SNX9: variants seen among roughly 807,000 people sequenced by gnomAD.
SNX9 encodes the protein sorting nexin-9.
Under a neutral mutation model 89.4 loss-of-function variants are expected in SNX9, and 44 were observed. That is an observed-to-expected ratio of 0.49 (90% CI 0.39 to 0.63). The LOEUF is 0.63. SNX9 is among the 30% of genes least tolerant of loss of function. SNX9 has a pLI of 0.00. For missense variants in SNX9, 578 were observed against 736.1 expected (o/e 0.79, Z 2.49); for synonymous variants, 236 against 247.8 (o/e 0.95, Z 0.45).
chr6:157,864,912 C>T (rs757168327), intron 1 of SNX9, among the ~76,000 whole-genome samples: 1 of 152,204 alleles, frequency 6.6e-6, no homozygotes, highest in Non-Finnish European at 1.5e-5. Context: ...CCTGTAATCC[C>T]AGCTACTCGG....
intron 1 of SNX9, chr6:157,829,531 T>C (rs1437629571): frequency 1.3e-5 from 2 of 152,226 alleles, no homozygotes; most frequent in East Asian, 3.8e-4. Flanking sequence ...TGTTTATATG[T>C]ATATCCTTAC....
chr6:157,937,510 T>C lies in SNX9; in HGVS notation c.1520T>C (p.Ile507Thr), dbSNP rs745617840. ...KGFLGCFPDI[I>T]GTHKGAIEKV... ...TTTCTTGGCTGCTTCCCTGACATCA[T>C]TGGCACTCACAAGGTAACCTGATCG... Residue 507 changes from isoleucine to threonine, a missense_variant, in exon 15 of 18, where the codon ATT becomes ACT. Physicochemically the swap from Ile to Thr is moderately conservative, Grantham distance 89 (BLOSUM62 -1). Around this residue, in one of 2 missense-constraint regions of SNX9, gnomAD observed 348 missense variants for 491.4 expected, o/e 0.71. Coordinates refer to ENST00000392185, the MANE Select transcript of SNX9 (RefSeq NM_016224.5). 1.2e-6 allele frequency: 2 copies of C among 1,613,462 alleles called. No individual in the cohort carries two copies. The highest frequency in any genetic ancestry group is 2.2e-5 in the East Asian group (1 of 44,854).
chr6:157,857,679 G>T (rs1196492442), intron 1 of SNX9, among the ~76,000 whole-genome samples: 1 of 148,474 alleles, frequency 6.7e-6, no homozygotes. Flanking sequence ...GAAAAAGATT[G>T]GGGGCCATTC....
chr6:157,881,832 T>A (rs1440049443), intron 4 of SNX9, among the ~76,000 whole-genome samples: 5 of 152,188 alleles, frequency 3.3e-5, no homozygotes. Flanking sequence ...TAGCAGAAGT[T>A]GGTTCATGAG....
At chr6:157,918,322 C>T (rs1043313618) in intron 9 of SNX9, among the ~76,000 whole-genome samples, 5 of 152,082 alleles carry the variant, frequency 3.3e-5, no homozygotes, top group Non-Finnish European at 7.4e-5. Flanking sequence ...TTAATATCTT[C>T]CTGATGTAGT....
In SNX9 at chr6:157,906,146, A is replaced by G; in HGVS notation, c.639A>G (p.Lys213=). ...IPLNKFPGFA[K]PGTEQYLLAK... ...TGATTAGATTTCCTGGATTTGCGAA[A>G]CCTGGCACGGAACAGTATTTGTTGG... The change falls in exon 7 of 18, where the codon AAA becomes AAG. Residue 213 remains lysine, a synonymous_variant. Transcript: ENST00000392185. The G allele has an allele frequency of 1.2e-6, 2 of 1,610,154 alleles. No homozygotes were observed. The highest frequency in any genetic ancestry group is 1.7e-6 in the Non-Finnish European group (2 of 1,178,928).
At chr6:157,902,529 G>C (rs958185779) in intron 6 of SNX9, among the ~76,000 whole-genome samples, 4 of 152,094 alleles carry the variant, frequency 2.6e-5, no homozygotes, top group Admixed American at 6.5e-5. Flanking sequence ...CCAGAGAGAC[G>C]CATCGAGTGT....
chr6:157,918,705 C>T (rs1046797641), intron 9 of SNX9, among the ~76,000 whole-genome samples: 77 of 151,916 alleles, frequency 5.1e-4, no homozygotes, highest in Admixed American at 4.6e-4. Context: ...AAATATTTTA[C>T]GGTGTATTGT....
At chr6:157,858,884 CCATGATTCAG>C (rs1310039658) in intron 1 of SNX9, among the ~76,000 whole-genome samples, 3 of 152,134 alleles carry the variant, frequency 2.0e-5, no homozygotes, top group African/African-American at 7.2e-5. Flanking sequence ...GATACCACCC[CCATGATTCAG>C]TTATCTCCAC....
chr6:157,874,342 A>C (rs1363137307), intron 3 of SNX9: 1 of 152,258 alleles, frequency 6.6e-6, no homozygotes, highest in African/African-American at 2.4e-5. Flanking sequence ...ACTTGTATGC[A>C]CTTTGCATCC....
At chr6:157,896,105 G>A (rs1782971741) in intron 4 of SNX9, among the ~76,000 whole-genome samples, 1 of 152,196 alleles carries the variant, frequency 6.6e-6, no homozygotes, top group Non-Finnish European at 1.5e-5. Context: ...TAGATTGTAG[G>A]AAGGAGGCTG....
intron 1 of SNX9, among the ~76,000 whole-genome samples, chr6:157,830,972 C>T (rs1781468385): frequency 6.6e-6 from 1 of 152,168 alleles, no homozygotes; most frequent in Non-Finnish European, 1.5e-5. Flanking sequence ...CAAATCTGCT[C>T]TTTTATTCAT....
chr6:157,939,156 A>G (rs962432040), intron 16 of SNX9, among the ~76,000 whole-genome samples: 3 of 151,596 alleles, frequency 2.0e-5, no homozygotes, highest in African/African-American at 7.3e-5. Flanking sequence ...AAAAAAAAAG[A>G]TGAATTTCTA....
intron 1 of SNX9, among the ~76,000 whole-genome samples, chr6:157,861,349 C>G (rs945238382): frequency 6.6e-6 from 1 of 152,176 alleles, no homozygotes; most frequent in Admixed American, 6.5e-5. Flanking sequence ...CCCGCATCCC[C>G]TTGGAGCTTC....
chr6:157,839,581 GA>G (rs1231236302), intron 1 of SNX9, among the ~76,000 whole-genome samples: 1 of 152,184 alleles, frequency 6.6e-6, no homozygotes, highest in East Asian at 1.9e-4. Flanking sequence ...CCAAGTGGGG[GA>G]AAAATTATAA....
intron 3 of SNX9, 72 bp downstream of exon 3, chr6:157,873,248 C>G (rs1175735423): frequency 1.5e-6 from 2 of 1,293,566 alleles, no homozygotes; most frequent in Admixed American, 2.6e-5. Flanking sequence ...TATCAACTTA[C>G]AAGAAGTCAG....
At chr6:157,917,824 T>C (rs992645776) in intron 9 of SNX9, among the ~76,000 whole-genome samples, 4 of 152,116 alleles carry the variant, frequency 2.6e-5, no homozygotes, top group Non-Finnish European at 4.4e-5. Context: ...GAAAAAAATT[T>C]TTTCCCTCAA....
At chr6:157,922,127 T>A (rs1410012364) in intron 10 of SNX9, among the ~76,000 whole-genome samples, 2 of 152,228 alleles carry the variant, frequency 1.3e-5, no homozygotes, top group African/African-American at 2.4e-5. Context: ...ACTGTAATGG[T>A]GAGTCCAGAG....
chr6:157,934,002 CATTA>C (rs1783870675), intron 13 of SNX9, among the ~76,000 whole-genome samples: 1 of 152,158 alleles, frequency 6.6e-6, no homozygotes, highest in South Asian at 2.1e-4. Context: ...GCTTTTCTCC[CATTA>C]CAAAGGACAG....
Sources: gnomAD v4.1 joint callset for allele counts (sites outside exome capture counted in the v4.1 genomes callset) on GRCh38, gnomAD v4.1.1 for gene constraint, gnomAD v4.1.1 regional missense constraint, MANE v1.5 for transcripts, NCBI Gene and HGNC (gene_info 2026-07-23, HGNC 2026-07-21) for gene names.